The following ARHGAP32 variants were observed in gnomAD, a reference collection of about 807,000 sequenced individuals.
The protein encoded by ARHGAP32 is Rho GTPase activating protein 32.
A neutral mutation model predicts 186.5 loss-of-function variants in ARHGAP32; 51 were observed. That is an observed-to-expected ratio of 0.27 (90% CI 0.22 to 0.35). The LOEUF is 0.35. ARHGAP32 is among the 10% of genes least tolerant of loss of function. The pLI, the probability that ARHGAP32 is intolerant of heterozygous loss-of-function variation, is 1.00. For missense variants in ARHGAP32, 2,186 were observed against 2,623.5 expected (o/e 0.83, Z 3.64); for synonymous variants, 950 against 964.3 (o/e 0.99, Z 0.27).
At position 129,064,720 on chromosome 11, in the gene ARHGAP32, A is replaced by G; in HGVS notation, c.762+121T>C. On this transcript the variant is annotated intron_variant, in intron 8 of 22. Coordinates refer to ENST00000682385, the MANE Select transcript of ARHGAP32 (RefSeq NM_001378024.1). ...CACGTATCTATCCTCCCAGATGCTG[A>G]GAATATACTTCATTTCTTTGATTCC... 3 of 706,580 alleles carry G rather than the reference A, an allele frequency of 4.2e-6. No individual in the cohort carries two copies. The East Asian group carries it at 8.5e-5, about 20-fold the overall frequency. The allele number at this position is 706,580 out of a possible 1,614,324, so 43.8% of individuals were successfully genotyped here. A position where few individuals can be genotyped will look rare whatever the true frequency, so the allele number is the denominator to read the frequency against.
At chr11:129,178,506 C>G (rs187290656) in intron 1 of ARHGAP32, among the ~76,000 whole-genome samples, 8 of 152,184 alleles carry the variant, frequency 5.3e-5, no homozygotes, top group Non-Finnish European at 1.2e-4. Flanking sequence ...GCCAAAAGAA[C>G]AAAGCCGGAG....
At chr11:129,257,172 T>C (rs1203400975) in intron 1 of ARHGAP32, among the ~76,000 whole-genome samples, 1 of 152,134 alleles carries the variant, frequency 6.6e-6, no homozygotes, top group Non-Finnish European at 1.5e-5. Flanking sequence ...AGGGAAGAAA[T>C]GAACCTCAGA....
At chr11:129,217,041 G>T (rs1944657273) in intron 1 of ARHGAP32, among the ~76,000 whole-genome samples, 1 of 151,972 alleles carries the variant, frequency 6.6e-6, no homozygotes, top group Middle Eastern at 3.2e-3. Flanking sequence ...TAATCAGGTT[G>T]TTCTAAATCT....
intron 11 of ARHGAP32, among the ~76,000 whole-genome samples, chr11:129,013,057 C>A (rs922312444): frequency 1.3e-5 from 2 of 152,172 alleles, no homozygotes; most frequent in African/African-American, 4.8e-5. Flanking sequence ...AAGTTTAGAT[C>A]AGGAACAAGG....
intron 10 of ARHGAP32, among the ~76,000 whole-genome samples, chr11:129,048,064 C>T (rs1939887298): frequency 6.6e-6 from 1 of 152,016 alleles, no homozygotes; most frequent in South Asian, 2.1e-4. Context: ...ATATTCCTAC[C>T]AATTCCCCCA....
chr11:129,121,533 G>A lies in ARHGAP32; in HGVS notation c.444+1913C>T, dbSNP rs185903156. ...AGAAGATTCTGGTGTGGACTGGCAA[G>A]GTGCAGCTGGGCTGGTTTCCTTTGA... On this transcript the variant is annotated intron_variant, in intron 5 of 22. Coordinates refer to ENST00000682385, the MANE Select transcript of ARHGAP32 (RefSeq NM_001378024.1). 1.5e-3 allele frequency among the ~76,000 whole-genome samples: 228 copies of A among 152,110 alleles called. 2 individuals carry two copies. Among genetic ancestry groups the A allele is most frequent in the Non-Finnish European group, 3.2e-4 (22 of 67,928 alleles).
intron 2 of ARHGAP32, among the ~76,000 whole-genome samples, chr11:129,135,348 G>A (rs1359843293): frequency 2.6e-5 from 4 of 152,142 alleles, no homozygotes; most frequent in Non-Finnish European, 4.4e-5. Context: ...GATCACAATA[G>A]AGAATTCAGA....
At chr11:129,058,389 T>A (rs10893964) in intron 10 of ARHGAP32, among the ~76,000 whole-genome samples, 43,163 of 152,102 alleles carry the variant, frequency 0.28, 6,499 homozygotes, top group Middle Eastern at 0.42. Flanking sequence ...AGAAATTTTA[T>A]AACTCTAGAT....
At chr11:129,156,021 G>A (rs182160745) in intron 2 of ARHGAP32, among the ~76,000 whole-genome samples, 27 of 152,300 alleles carry the variant, frequency 1.8e-4, no homozygotes, top group Non-Finnish European at 2.5e-4. Context: ...GGACTGTGCC[G>A]TGAGAAGACT....
At chr11:129,168,045 G>A (rs1460550019) in intron 1 of ARHGAP32, among the ~76,000 whole-genome samples, 1 of 152,002 alleles carries the variant, frequency 6.6e-6, no homozygotes, top group Non-Finnish European at 1.5e-5. Context: ...AGAAGTTCAA[G>A]ACCAGACTGG....
chr11:129,179,644 G>A (rs1250688833), intron 1 of ARHGAP32, among the ~76,000 whole-genome samples: 1 of 151,954 alleles, frequency 6.6e-6, no homozygotes, highest in African/African-American at 2.4e-5. Flanking sequence ...GTCCTTTGTA[G>A]GGACATGGAT....
At chr11:129,040,553 C>T (rs928931207) in intron 11 of ARHGAP32, among the ~76,000 whole-genome samples, 2 of 152,058 alleles carry the variant, frequency 1.3e-5, no homozygotes, top group African/African-American at 2.4e-5. Flanking sequence ...TGTTCATATG[C>T]CCTGTTAAAA....
intron 1 of ARHGAP32, among the ~76,000 whole-genome samples, chr11:129,228,522 T>A (rs980642336): frequency 1.3e-5 from 2 of 152,158 alleles, no homozygotes; most frequent in African/African-American, 4.8e-5. Flanking sequence ...GAATACCATG[T>A]AGCCATAAAA....
chr11:129,076,109 A>T (rs1173264513), intron 6 of ARHGAP32, among the ~76,000 whole-genome samples: 1 of 152,208 alleles, frequency 6.6e-6, no homozygotes, highest in African/African-American at 2.4e-5. Context: ...TCCCACCAGC[A>T]CCACAACAGT....
At chr11:129,187,536 T>C (rs933538969) in intron 1 of ARHGAP32, among the ~76,000 whole-genome samples, 4 of 152,152 alleles carry the variant, frequency 2.6e-5, no homozygotes, top group African/African-American at 4.8e-5. Flanking sequence ...AATTGGATTG[T>C]TTATAAAACA....
At chr11:129,135,228 A>G (rs1328107182) in intron 2 of ARHGAP32, among the ~76,000 whole-genome samples, 1 of 152,234 alleles carries the variant, frequency 6.6e-6, no homozygotes, top group Admixed American at 6.5e-5. Flanking sequence ...TACCAAGATA[A>G]GAAGGGCAAA....
At position 128,985,852 on chromosome 11, in the gene ARHGAP32, G is replaced by GTA. The variant is rs1356966729; in HGVS notation, c.1526+150_1526+151insTA. 2.3e-3 allele frequency: 300 copies of GTA among 129,792 alleles called. 3 individuals carry two copies. Among genetic ancestry groups the GTA allele is most frequent in the Middle Eastern group, 3.1e-3 (1 of 326 alleles). 8.0% of individuals were successfully genotyped at this position (129,792 alleles called of 1,614,324 possible). ...TGTGCGTGTGTGTGTGTGTGTGTGT[G>GTA]TGTGTGTATATATATATATATATAT... On this transcript the variant is annotated intron_variant, in intron 15 of 22. Coordinates refer to ENST00000682385, the MANE Select transcript of ARHGAP32 (RefSeq NM_001378024.1).
intron 2 of ARHGAP32, among the ~76,000 whole-genome samples, chr11:129,132,865 T>C (rs1246154162): frequency 6.6e-6 from 1 of 152,088 alleles, no homozygotes; most frequent in Non-Finnish European, 1.5e-5. Context: ...TGAAATTCTC[T>C]TACAAAAAGA....
intron 10 of ARHGAP32, among the ~76,000 whole-genome samples, chr11:129,053,770 C>T (rs1469640122): frequency 6.6e-6 from 1 of 152,154 alleles, no homozygotes; most frequent in Non-Finnish European, 1.5e-5. Flanking sequence ...TGCATTATCA[C>T]ATAATTCCCC....
Sources: gnomAD v4.1 joint callset for allele counts (sites outside exome capture counted in the v4.1 genomes callset) on GRCh38, gnomAD v4.1.1 for gene constraint, MANE v1.5 for transcripts, NCBI Gene and HGNC (gene_info 2026-07-23, HGNC 2026-07-21) for gene names.